Variants in CSMD1 observed in about 807,000 individuals in gnomAD.
CSMD1 encodes the protein CUB and Sushi multiple domains 1, also known as CUB and sushi domain-containing protein 1.
A neutral mutation model predicts 417.5 loss-of-function variants in CSMD1; 213 were observed. The ratio of observed to expected loss-of-function variants is 0.51; its 90% CI spans 0.46 to 0.57. CSMD1 has a LOEUF of 0.57. CSMD1 is among the 20% of genes least tolerant of loss of function. The pLI, the probability that CSMD1 is intolerant of heterozygous loss-of-function variation, is 0.00. For synonymous variants in CSMD1, 2,862 were observed against 1,736.8 expected, an observed-to-expected ratio of 1.65 and a Z score of -16.11; for missense variants, 6,923 against 4,529.7, an observed-to-expected ratio of 1.53 and a Z score of -15.17.
At chr8:4,928,111 A>G (rs1392565819) in intron 1 of CSMD1, among the ~76,000 whole-genome samples, 1 of 151,914 alleles carries the variant, frequency 6.6e-6, no homozygotes, top group East Asian at 1.9e-4. Context: ...TCCTCAGCCC[A>G]CTTTGCTATT....
At chr8:3,866,747 G>C (rs1338392547) in intron 5 of CSMD1, among the ~76,000 whole-genome samples, 1 of 152,030 alleles carries the variant, frequency 6.6e-6, no homozygotes, top group East Asian at 1.9e-4. Flanking sequence ...GGATTCTCCT[G>C]ATGGTACAAA....
chr8:3,285,408 A>G (rs114082091), intron 25 of CSMD1, among the ~76,000 whole-genome samples: 3,489 of 148,110 alleles, frequency 0.024, 140 homozygotes, highest in African/African-American at 0.081. Context: ...TTTTCTAGAG[A>G]TGGGATGTCG....
At chr8:4,379,080 C>T (rs1802933337) in intron 3 of CSMD1, among the ~76,000 whole-genome samples, 1 of 152,096 alleles carries the variant, frequency 6.6e-6, no homozygotes, top group African/African-American at 2.4e-5. Flanking sequence ...AGATATTCAG[C>T]CTACACCACC....
chr8:3,950,120 C>T (rs939740370), intron 5 of CSMD1, among the ~76,000 whole-genome samples: 8 of 152,068 alleles, frequency 5.3e-5, no homozygotes, highest in African/African-American at 1.2e-4. Context: ...TAATTAGACA[C>T]GTTACACTGA....
Position 3,308,982 on chromosome 8 carries a change from C to A in CSMD1, c.3632-479G>T, listed in dbSNP as rs1337352596. ...TCAGGCAATCCACCCCCTCAGCCTCCCAAAGTGCTGGGATTACAGGCGTGA... is the reference window on the plus strand; with the variant it reads ...TCAGGCAATCCACCCCCTCAGCCTCACAAAGTGCTGGGATTACAGGCGTGA... On this transcript the variant is annotated intron_variant, in intron 23 of 69. Transcript: ENST00000635120. Among the ~76,000 whole-genome samples, 3 of 152,108 alleles carry A rather than the reference C, an allele frequency of 2.0e-5. 1 individual carries two copies. Among genetic ancestry groups the A allele is most frequent in the Middle Eastern group, 6.3e-3 (2 of 316 alleles).
intron 2 of CSMD1, among the ~76,000 whole-genome samples, chr8:4,527,404 T>C (rs2130433800): frequency 6.6e-6 from 1 of 152,334 alleles, no homozygotes; most frequent in East Asian, 1.9e-4. Flanking sequence ...ATACCTTTTT[T>C]CTGAACTTAT....
rs1486963044 is a variant in CSMD1 at position 3,091,508 on chromosome 8, T to C, written c.7285+8A>G. ...CTTTCATATAAAATCTAAACCTCAT[T>C]TACTTACCTGCATAGCGAATCTTGA... On this transcript the variant is annotated splice_region_variant and intron_variant, in intron 48 of 69. Coordinates refer to ENST00000635120, the MANE Select transcript of CSMD1 (RefSeq NM_033225.6). 1 of 1,589,482 alleles carries C rather than the reference T, an allele frequency of 6.3e-7. No homozygotes were observed. Among genetic ancestry groups the C allele is most frequent in the Non-Finnish European group, 8.5e-7 (1 of 1,172,684 alleles).
chr8:3,464,922 AT>A (rs1403224128), intron 12 of CSMD1, among the ~76,000 whole-genome samples: 7 of 151,906 alleles, frequency 4.6e-5, no homozygotes, highest in Non-Finnish European at 7.4e-5. Context: ...TAAACTTTGC[AT>A]TTTTTTCCCC....
intron 3 of CSMD1, among the ~76,000 whole-genome samples, chr8:4,244,653 T>A (rs1009589153): frequency 1.3e-5 from 2 of 152,162 alleles, no homozygotes; most frequent in African/African-American, 2.4e-5. Context: ...TGATCCAAGT[T>A]ATTACATGAC....
At chr8:3,877,954 G>C (rs892404887) in intron 5 of CSMD1, among the ~76,000 whole-genome samples, 2 of 151,726 alleles carry the variant, frequency 1.3e-5, no homozygotes, top group Non-Finnish European at 2.9e-5. Context: ...CTACATCAAG[G>C]TCATGCAAAG....
intron 5 of CSMD1, among the ~76,000 whole-genome samples, chr8:3,756,359 A>C (rs1444432241): frequency 1.3e-5 from 2 of 152,244 alleles, no homozygotes; most frequent in Admixed American, 6.5e-5. Flanking sequence ...TCTCAAAAAA[A>C]AAAAAAAATC....
intron 47 of CSMD1, among the ~76,000 whole-genome samples, chr8:3,093,165 C>G (rs1294372550): frequency 6.6e-6 from 1 of 151,970 alleles, no homozygotes; most frequent in Non-Finnish European, 1.5e-5. Context: ...AGGGAGGGTC[C>G]CTAAAGACAT....
Position 4,578,332 on chromosome 8 carries a change from A to ATTTTTCTTTTTTTT in CSMD1, c.302+59009_302+59010insAAAAAAAAGAAAAA, listed in dbSNP as rs1799238990. 1.6e-4 allele frequency among the ~76,000 whole-genome samples: 8 copies of ATTTTTCTTTTTTTT among 48,774 alleles called. 1 individual carries two copies. The highest frequency in any genetic ancestry group is 6.1e-4 in the African/African-American group (8 of 13,092). The allele number at this position is 48,774 out of a possible 152,430, so 32.0% of individuals were successfully genotyped here. A position where few individuals can be genotyped will look rare whatever the true frequency, so the allele number is the denominator to read the frequency against. ...AGGCACCTGCCACGACACCCGGCTCATTTTTTTTTTTTTTTTTTTTTTTTT... is the reference window on the plus strand; with the variant it reads ...AGGCACCTGCCACGACACCCGGCTCATTTTTCTTTTTTTTTTTTTTTTTTTTTTTTTTTTTTTTT... On this transcript the variant is annotated intron_variant, in intron 2 of 69. Coordinates refer to ENST00000635120, the MANE Select transcript of CSMD1 (RefSeq NM_033225.6).
At chr8:3,872,572 T>C (rs756837275) in intron 5 of CSMD1, among the ~76,000 whole-genome samples, 33 of 152,206 alleles carry the variant, frequency 2.2e-4, no homozygotes, top group Non-Finnish European at 3.7e-4. Flanking sequence ...TGTTTCAGAA[T>C]TGCTTGATAG....
At chr8:4,068,328 G>C (rs574212938) in intron 3 of CSMD1, among the ~76,000 whole-genome samples, 3 of 152,176 alleles carry the variant, frequency 2.0e-5, no homozygotes, top group South Asian at 2.1e-4. Context: ...TGTGAGGCCA[G>C]CATGAGAGTG....
chr8:3,977,395 C>G (rs1387703724), intron 5 of CSMD1, among the ~76,000 whole-genome samples: 1 of 152,036 alleles, frequency 6.6e-6, no homozygotes, highest in Admixed American at 6.6e-5. Context: ...AGAGAAATTT[C>G]TAAAGGTTTT....
chr8:3,989,132 G>A (rs868179588), intron 5 of CSMD1, among the ~76,000 whole-genome samples: 2 of 152,148 alleles, frequency 1.3e-5, no homozygotes, highest in African/African-American at 2.4e-5. Context: ...TTGCTATGTG[G>A]GGCGGGCATT....
At chr8:3,022,390 G>A (rs562485291) in intron 51 of CSMD1, among the ~76,000 whole-genome samples, 300 of 152,194 alleles carry the variant, frequency 2.0e-3, no homozygotes, top group African/African-American at 7.0e-3. Flanking sequence ...CAATCCCACA[G>A]CGTCCGGAAT....
At chr8:3,549,348 G>C (rs922509936) in intron 10 of CSMD1, among the ~76,000 whole-genome samples, 7 of 152,174 alleles carry the variant, frequency 4.6e-5, no homozygotes, top group Non-Finnish European at 7.4e-5. Flanking sequence ...TTCTGTTCTA[G>C]GCCAAGTGGT....
Sources: allele counts gnomAD v4.1 joint callset (sites outside exome capture counted in the v4.1 genomes callset), GRCh38; gene constraint gnomAD v4.1.1; transcripts MANE v1.5; gene names NCBI Gene and HGNC (gene_info 2026-07-23, HGNC 2026-07-21).